Variants in CCDC102B observed in about 807,000 individuals in gnomAD.
CCDC102B encodes coiled-coil domain containing 102B.
CCDC102B carries 75 observed loss-of-function variants against 57.4 expected under a neutral mutation model. That is an observed-to-expected ratio of 1.31 (90% CI 1.08 to 1.58). The LOEUF (loss-of-function observed/expected upper bound fraction) is 1.58, where lower values mean the gene tolerates loss of function less well. CCDC102B is among the 40% of genes most tolerant of loss of function. The pLI is 0.00. For synonymous variants in CCDC102B, 206 were observed against 201.9 expected, an observed-to-expected ratio of 1.02 and a Z score of -0.17; for missense variants, 636 against 582.6, an observed-to-expected ratio of 1.09 and a Z score of -0.94.
intron 2 of CCDC102B, among the ~76,000 whole-genome samples, chr18:68,764,662 T>C (rs2034365166): frequency 6.6e-6 from 1 of 152,186 alleles, no homozygotes; most frequent in Admixed American, 6.6e-5. Flanking sequence ...CCTCCAAATA[T>C]TCAAGAAGAA....
intron 6 of CCDC102B, among the ~76,000 whole-genome samples, chr18:68,935,077 A>G (rs2041798302): frequency 1.3e-5 from 2 of 151,898 alleles, no homozygotes; most frequent in African/African-American, 4.8e-5. Context: ...GGATAATCAG[A>G]AAAGACCGCA....
intron 2 of CCDC102B, among the ~76,000 whole-genome samples, chr18:68,777,686 C>T (rs959292517): frequency 6.6e-6 from 1 of 151,952 alleles, no homozygotes; most frequent in Non-Finnish European, 1.5e-5. Context: ...ATAAGCTATT[C>T]AAGTAAAGGA....
At chr18:68,904,771 C>A (rs756251020) in intron 6 of CCDC102B, among the ~76,000 whole-genome samples, 1 of 152,054 alleles carries the variant, frequency 6.6e-6, no homozygotes, top group Non-Finnish European at 1.5e-5. Flanking sequence ...TTATATGATT[C>A]TCTGCTGAAG....
chr18:68,934,441 G>A (rs2041778502), intron 6 of CCDC102B, among the ~76,000 whole-genome samples: 1 of 151,916 alleles, frequency 6.6e-6, no homozygotes, highest in Non-Finnish European at 1.5e-5. Flanking sequence ...GCAGAAAGCT[G>A]TAATAAAACT....
intron 6 of CCDC102B, among the ~76,000 whole-genome samples, chr18:68,954,975 G>T (rs1264943781): frequency 6.6e-6 from 1 of 152,138 alleles, no homozygotes; most frequent in Non-Finnish European, 1.5e-5. Flanking sequence ...CACAGGAAGT[G>T]CTGATCTATG....
intron 6 of CCDC102B, among the ~76,000 whole-genome samples, chr18:68,999,619 G>C (rs201054863): frequency 6.9e-6 from 1 of 145,886 alleles, no homozygotes; most frequent in African/African-American, 2.6e-5. Context: ...TTGTTTGTTT[G>C]TTTGTTTGTT....
chr18:68,808,267 G>A (rs1340340016), intron 1 of CCDC102B, among the ~76,000 whole-genome samples: 2 of 151,990 alleles, frequency 1.3e-5, no homozygotes, highest in Non-Finnish European at 2.9e-5. Flanking sequence ...TATCTTAGAA[G>A]AGTTCATATA....
intron 6 of CCDC102B, among the ~76,000 whole-genome samples, chr18:68,970,327 T>G (rs1366240011): frequency 6.6e-6 from 1 of 152,058 alleles, no homozygotes; most frequent in East Asian, 1.9e-4. Flanking sequence ...AGAACTACAT[T>G]GAATTAGAAG....
chr18:68,815,747 T>A (rs561275793), intron 1 of CCDC102B, among the ~76,000 whole-genome samples: 4 of 152,028 alleles, frequency 2.6e-5, no homozygotes, highest in East Asian at 3.9e-4. Flanking sequence ...AAACTTCTTT[T>A]TTTCATCTTT....
intron 6 of CCDC102B, among the ~76,000 whole-genome samples, chr18:68,965,250 T>C (rs1013638415): frequency 1.3e-5 from 2 of 151,932 alleles, no homozygotes; most frequent in Non-Finnish European, 2.9e-5. Context: ...TTCTTTTCAG[T>C]CTCTTTTTTC....
chr18:68,846,426 G>C lies in CCDC102B; in HGVS notation c.936+5G>C, dbSNP rs761681793. On this transcript the variant is annotated splice_donor_5th_base_variant and intron_variant, in intron 4 of 7. Coordinates refer to ENST00000360242, the MANE Select transcript of CCDC102B (RefSeq NM_024781.3). ...AAGCCAAAAAATGTGAAAGAGGTAT[G>C]GGGGAATATGATGTAAAGGAAGAAA... 2.7e-6 allele frequency: 4 copies of C among 1,501,048 alleles called. No homozygotes were observed. The highest frequency in any genetic ancestry group is 4.8e-5 in the East Asian group (2 of 41,298). The allele number at this position is 1,501,048 out of a possible 1,614,324, so 93.0% of individuals were successfully genotyped here.
intron 6 of CCDC102B, among the ~76,000 whole-genome samples, chr18:69,000,770 C>A (rs568796537): frequency 1.7e-4 from 26 of 152,070 alleles, no homozygotes; most frequent in Admixed American, 3.3e-4. Flanking sequence ...AGTCTGGGAA[C>A]CTGCAGCGTC....
intron 1 of CCDC102B, among the ~76,000 whole-genome samples, chr18:68,820,842 T>A (rs2036664258): frequency 6.6e-6 from 1 of 152,108 alleles, no homozygotes; most frequent in Non-Finnish European, 1.5e-5. Context: ...GAAGATAGAG[T>A]AATCAAATAA....
At chr18:68,898,395 T>C (rs10871635) in intron 6 of CCDC102B, among the ~76,000 whole-genome samples, 12,406 of 152,134 alleles carry the variant, frequency 0.082, 649 homozygotes, top group South Asian at 0.22. Context: ...ATTGTATTAG[T>C]GTTTCATGAC....
At chr18:68,906,535 C>T (rs1005102006) in intron 6 of CCDC102B, among the ~76,000 whole-genome samples, 4 of 152,166 alleles carry the variant, frequency 2.6e-5, no homozygotes, top group Admixed American at 1.3e-4. Context: ...GAATTATACT[C>T]ATCCCAGTGG....
At chr18:68,782,893 TAA>T (rs1178721915) in intron 2 of CCDC102B, among the ~76,000 whole-genome samples, 1 of 152,192 alleles carries the variant, frequency 6.6e-6, no homozygotes, top group Non-Finnish European at 1.5e-5. Flanking sequence ...AACAAAAATT[TAA>T]CCGTATGTGA....
intron 2 of CCDC102B, among the ~76,000 whole-genome samples, chr18:68,759,424 G>A (rs1433322468): frequency 6.6e-6 from 1 of 152,068 alleles, no homozygotes; most frequent in Non-Finnish European, 1.5e-5. Flanking sequence ...TAGTTTACCT[G>A]CATTAACAGC....
chr18:68,884,270 A>G (rs1175823884), intron 5 of CCDC102B, among the ~76,000 whole-genome samples: 7 of 152,168 alleles, frequency 4.6e-5, no homozygotes, highest in Admixed American at 4.6e-4. Context: ...CCCAGTGTTC[A>G]CTTATGAAAA....
intron 6 of CCDC102B, among the ~76,000 whole-genome samples, chr18:68,911,722 A>C (rs1407894163): frequency 8.3e-6 from 1 of 121,210 alleles, no homozygotes; most frequent in African/African-American, 3.5e-5. Context: ...ACTGCACTCC[A>C]GCCTGGGCGA....
Sources: allele counts gnomAD v4.1 joint callset (sites outside exome capture counted in the v4.1 genomes callset), GRCh38; gene constraint gnomAD v4.1.1; transcripts MANE v1.5; gene names NCBI Gene and HGNC (gene_info 2026-07-23, HGNC 2026-07-21).